The following RETREG2 variants were observed in gnomAD, a reference collection of about 807,000 sequenced individuals.
The protein encoded by RETREG2 is reticulophagy regulator family member 2.
A neutral mutation model predicts 51.6 loss-of-function variants in RETREG2; 21 were observed. That is an observed-to-expected ratio of 0.41 (90% confidence interval 0.29 to 0.59). The LOEUF is 0.59. Among genes scored for constraint, RETREG2 ranks in the 20% least tolerant of loss-of-function variants. RETREG2 has a pLI of 0.34. For missense variants in RETREG2, 674 were observed against 646.0 expected, an observed-to-expected ratio of 1.04 and a Z score of -0.47; for synonymous variants, 339 against 288.6, an observed-to-expected ratio of 1.17 and a Z score of -1.77.
At chr2:219,180,866 C>T in intron 5 of RETREG2, 112 bp downstream of exon 5, 3 of 1,383,136 alleles carry the variant, frequency 2.2e-6, no homozygotes, top group Admixed American at 1.8e-5. Flanking sequence ...TTGTGGAGAT[C>T]TCCAGGGATG....
rs1045319550 is a variant in RETREG2 at position 219,179,721 on chromosome 2, C to T, written c.389-12C>T. 1 of 1,613,480 alleles carries T rather than the reference C, an allele frequency of 6.2e-7. No individual in the cohort carries two copies. The highest frequency in any genetic ancestry group is 8.5e-7 in the Non-Finnish European group (1 of 1,179,456). On this transcript the variant is annotated splice_polypyrimidine_tract_variant and intron_variant, in intron 2 of 8. Transcript: ENST00000430297. ...TACCACTCAATAATTTGCCCCCCTC[C>T]TCTCTCTCTAGCATCATCCCCAGAG...
rs912869496 is a variant in RETREG2, at chr2:219,182,061, G to A, written c.1064G>A (p.Arg355Gln). The change falls in exon 9 of 9, where the codon CGG becomes CAG. Residue 355 changes from arginine to glutamine, a missense_variant. Coordinates refer to ENST00000430297, the MANE Select transcript of RETREG2 (RefSeq NM_024293.6). ...AGTGAACCAGAGGAGACCCTAAGCC[G>A]GGACCTAGGGGAGGGAGAGGAGGGA... ...LPSEPEETLS[R>Q]DLGEGEEGEL... 7.4e-6 allele frequency: 12 copies of A among 1,613,964 alleles called. No individual in the cohort carries two copies. The highest frequency in any genetic ancestry group is 1.3e-5 in the African/African-American group (1 of 74,878).
intron 6 of RETREG2, 80 bp downstream of exon 6, chr2:219,181,285 G>C: frequency 1.2e-6 from 2 of 1,607,082 alleles, no homozygotes; most frequent in Non-Finnish European, 1.7e-6. Flanking sequence ...CTGGAATTGA[G>C]ATCTTCTCCA....
Position 219,185,091 on chromosome 2 carries a change from T to G in RETREG2, c.*2462T>G, listed in dbSNP as rs1476737218. On this transcript the variant is annotated 3_prime_UTR_variant, in exon 9 of 9. Coordinates refer to ENST00000430297, the MANE Select transcript of RETREG2 (RefSeq NM_024293.6). The stretch of plus-strand genomic sequence containing the variant: ...ATTCACCCACCTCGGCCTCCCAAAG[T>G]GCTGGGATTACAGGTGTGAGCCACG... 1 of 152,198 alleles carries G rather than the reference T, an allele frequency of 6.6e-6. No individual in the cohort carries two copies. Among genetic ancestry groups the G allele is most frequent in the African/African-American group, 2.4e-5 (1 of 41,524 alleles). 9.4% of individuals were successfully genotyped at this position (152,198 alleles called of 1,614,324 possible). A position where few individuals can be genotyped will look rare whatever the true frequency, so the allele number is the denominator to read the frequency against.
At position 219,182,288 on chromosome 2, in the gene RETREG2, GAGACAC is replaced by G. The variant is rs1950292378; in HGVS notation, c.1292_1297del (p.Glu431_Leu433delinsVal). The G allele has an allele frequency of 6.2e-7, 1 of 1,614,112 alleles. No individual in the cohort carries two copies. The stretch of plus-strand genomic sequence containing the variant: ...GAAATGCTCCCCTGGAGGACCAGTG[GAGACAC>G]TGAGCCCCGAGACAGTGAGTGGTGG... On this transcript the variant is annotated inframe_deletion, in exon 9 of 9. Coordinates refer to ENST00000430297, the MANE Select transcript of RETREG2 (RefSeq NM_024293.6).
At position 219,181,398 on chromosome 2, in the gene RETREG2, G is replaced by A; in HGVS notation, c.814G>A (p.Gly272Ser). The A allele has an allele frequency of 1.2e-6, 2 of 1,614,124 alleles. No individual in the cohort carries two copies. The highest frequency in any genetic ancestry group is 1.7e-6 in the Non-Finnish European group (2 of 1,180,024). The change falls in exon 7 of 9, where the codon GGT (glycine) becomes AGT (serine). Residue 272 changes from glycine to serine, a missense_variant. By Grantham distance (56) the Gly-to-Ser change is moderately conservative (BLOSUM62 0). Coordinates refer to ENST00000430297, the MANE Select transcript of RETREG2 (RefSeq NM_024293.6). Reference protein sequence around the residue: ...KRQGKNAPPGGDEPLAETESE... With the variant: ...KRQGKNAPPGSDEPLAETESE... Reference sequence around the variant, plus strand: ...TCAGGGGAAGAATGCACCCCCAGGAGGTGATGAGCCACTGGCAGAGACAGA... The same window carrying A: ...TCAGGGGAAGAATGCACCCCCAGGAAGTGATGAGCCACTGGCAGAGACAGA...
rs867181326 is a variant in RETREG2 at position 219,178,477 on chromosome 2, A to C, written c.125A>C (p.Glu42Ala). Reference sequence around the variant, plus strand: ...GAGGCCACCAGTGAGGCAGAGGAGGAGGCGGCCACGGCCGAGGCGGTGGGA... The same window carrying C: ...GAGGCCACCAGTGAGGCAGAGGAGGCGGCGGCCACGGCCGAGGCGGTGGGA... The part of the protein sequence containing the change: ...MSEATSEAEE[E>A]AATAEAVGRL... The change falls in exon 1 of 9, where the codon GAG (glutamate) becomes GCG (alanine). Residue 42 changes from glutamate to alanine, a missense_variant. By Grantham distance (107) the Glu-to-Ala change is moderately radical. Coordinates refer to ENST00000430297, the MANE Select transcript of RETREG2 (RefSeq NM_024293.6). 35 of 1,075,234 alleles carry C rather than the reference A, an allele frequency of 3.3e-5. No individual in the cohort carries two copies. The highest frequency in any genetic ancestry group is 1.0e-4 in the South Asian group (6 of 59,632). 66.6% of individuals were successfully genotyped at this position (1,075,234 alleles called of 1,614,324 possible). A position where few individuals can be genotyped will look rare whatever the true frequency, so the allele number is the denominator to read the frequency against.
rs1458282457 is a variant in RETREG2 at position 219,181,435 on chromosome 2, A to G, written c.851A>G (p.Glu284Gly). The G allele has an allele frequency of 1.9e-6, 3 of 1,614,114 alleles. No individual in the cohort carries two copies. Among genetic ancestry groups the G allele is most frequent in the Admixed American group, 1.7e-5 (1 of 60,026 alleles). ...CTGGCAGAGACAGAGAGTGAAAGCG[A>G]GGCAGAGCTGGCTGGCTTCTCCCCA... ...EPLAETESESEAELAGFSPVV... is the reference protein window; with the variant it reads ...EPLAETESESGAELAGFSPVV... The change falls in exon 7 of 9, where the codon GAG (glutamate) becomes GGG (glycine). Residue 284 changes from glutamate to glycine, a missense_variant. Coordinates refer to ENST00000430297, the MANE Select transcript of RETREG2 (RefSeq NM_024293.6).
At position 219,178,480 on chromosome 2, in the gene RETREG2, C is replaced by T. The variant is rs2106394292; in HGVS notation, c.128C>T (p.Ala43Val). ...GCCACCAGTGAGGCAGAGGAGGAGG[C>T]GGCCACGGCCGAGGCGGTGGGACGC... ...SEATSEAEEEAATAEAVGRLA... is the reference protein window; with the variant it reads ...SEATSEAEEEVATAEAVGRLA... Residue 43 changes from alanine to valine, a missense_variant, in exon 1 of 9, where the codon GCG becomes GTG. By Grantham distance (64) the Ala-to-Val change is moderately conservative. Coordinates refer to ENST00000430297, the MANE Select transcript of RETREG2 (RefSeq NM_024293.6). 1.8e-6 allele frequency: 2 copies of T among 1,132,436 alleles called. No individual in the cohort carries two copies. The highest frequency in any genetic ancestry group is 2.4e-6 in the Non-Finnish European group (2 of 831,058). The allele number at this position is 1,132,436 out of a possible 1,614,324, so 70.1% of individuals were successfully genotyped here. A position where few individuals can be genotyped will look rare whatever the true frequency, so the allele number is the denominator to read the frequency against.
chr2:219,181,772 G>A lies in RETREG2; in HGVS notation c.1012G>A (p.Glu338Lys), dbSNP rs774103748. 8.7e-6 allele frequency: 14 copies of A among 1,613,460 alleles called. No individual in the cohort carries two copies. Among genetic ancestry groups the A allele is most frequent in the Admixed American group, 1.7e-5 (1 of 60,000 alleles). Residue 338 changes from glutamate to lysine, a missense_variant, in exon 8 of 9, where the codon GAG (glutamate) becomes AAG (lysine). Physicochemically the swap from Glu to Lys is moderately conservative, Grantham distance 56. Coordinates refer to ENST00000430297, the MANE Select transcript of RETREG2 (RefSeq NM_024293.6). ...AACTCCGCAGCTGACTGATGTCTCC[G>A]AGGGTATGGGGAGCCCTTTGCTGCC... ...ATTPQLTDVS[E>K]DLDQQSLPSE...
At chr2:219,180,394 C>G (rs1950261426) in intron 4 of RETREG2, 149 bp downstream of exon 4, 1 of 1,120,218 alleles carries the variant, frequency 8.9e-7, no homozygotes, top group African/African-American at 1.6e-5. Flanking sequence ...CACAGCTAAT[C>G]CCTGGTGCAG....
Position 219,182,590 on chromosome 2 carries a change from A to G in RETREG2, c.1593A>G (p.Val531=). 1 of 1,614,180 alleles carries G rather than the reference A, an allele frequency of 6.2e-7. No individual in the cohort carries two copies. The highest frequency in any genetic ancestry group is 8.5e-7 in the Non-Finnish European group (1 of 1,180,022). ...TGGGGCCCGACATCCATTCTCTGGT[A>G]CAGTCAGACCAAGAAGCTCAGGCCG... is the stretch of plus-strand genomic sequence containing the variant. ...PPLGPDIHSL[V]QSDQEAQAVA... is the part of the protein sequence containing the mutation. Residue 531 remains valine, a synonymous_variant, in exon 9 of 9, where the codon GTA becomes GTG. Transcript: ENST00000430297.
chr2:219,183,837 C>G lies in RETREG2; in HGVS notation c.*1208C>G, dbSNP rs1950315720. 1 of 152,238 alleles carries G rather than the reference C, an allele frequency of 6.6e-6. No homozygotes were observed. Among genetic ancestry groups the G allele is most frequent in the Non-Finnish European group, 1.5e-5 (1 of 68,046 alleles). The allele number at this position is 152,238 out of a possible 1,614,324, so 9.4% of individuals were successfully genotyped here. ...TAAGAAGTCTTCACCCATCTACATG[C>G]TAACAACTCACTCAGCCTGGATTTA... On this transcript the variant is annotated 3_prime_UTR_variant, in exon 9 of 9. Transcript: ENST00000430297.
chr2:219,182,972 T>G lies in RETREG2; in HGVS notation c.*343T>G. The G allele has an allele frequency of 3.2e-6, 1 of 313,972 alleles. No individual in the cohort carries two copies. Among genetic ancestry groups the G allele is most frequent in the Non-Finnish European group, 6.1e-6 (1 of 164,832 alleles). The allele number at this position is 313,972 out of a possible 1,614,324, so 19.4% of individuals were successfully genotyped here. A position where few individuals can be genotyped will look rare whatever the true frequency, so the allele number is the denominator to read the frequency against. On this transcript the variant is annotated 3_prime_UTR_variant, in exon 9 of 9. Coordinates refer to ENST00000430297, the MANE Select transcript of RETREG2 (RefSeq NM_024293.6). ...GCCCTGGTGGTCTGGCCCTTTCTTTTTCCTCCTATCCTCAGGGACCTGTGC... is the reference window on the plus strand; with the variant it reads ...GCCCTGGTGGTCTGGCCCTTTCTTTGTCCTCCTATCCTCAGGGACCTGTGC...
At position 219,179,849 on chromosome 2, in the gene RETREG2, C is replaced by G. The variant is rs181650510; in HGVS notation, c.419+86C>G. 3,311 of 1,428,556 alleles carry G rather than the reference C, an allele frequency of 2.3e-3. 8 individuals are homozygous for G. The highest frequency in any genetic ancestry group is 2.6e-3 in the Non-Finnish European group (2,609 of 1,010,888). The allele number at this position is 1,428,556 out of a possible 1,614,324, so 88.5% of individuals were successfully genotyped here. On this transcript the variant is annotated intron_variant, in intron 3 of 8. Coordinates refer to ENST00000430297, the MANE Select transcript of RETREG2 (RefSeq NM_024293.6). ...GTGTCACCATGGAGCAGGGCAGTGC[C>G]CCAGCATTGTGAATGAACTGGTAAC...
chr2:219,179,000 G>A lies in RETREG2; in HGVS notation c.360G>A (p.Trp120Ter). The change falls in exon 2 of 9, where the codon TGG (tryptophan) becomes TGA (stop). Residue 120 changes from tryptophan to a stop codon, truncating the protein, a stop_gained. Coordinates refer to ENST00000430297, the MANE Select transcript of RETREG2 (RefSeq NM_024293.6). LOFTEE classifies it high-confidence loss of function. ...SLLAYFLLDLWQPRFLPDVSA... is the reference protein window; with the variant it reads ...SLLAYFLLDL ...TGGCCTATTTTCTGCTGGATCTCTGGCAGCCTCGCTTTCTCCCTGACGTTT... is the reference window on the plus strand; with the variant it reads ...TGGCCTATTTTCTGCTGGATCTCTGACAGCCTCGCTTTCTCCCTGACGTTT... 2 of 1,613,518 alleles carry A rather than the reference G, an allele frequency of 1.2e-6. No homozygotes were observed. Among genetic ancestry groups the A allele is most frequent in the East Asian group, 2.2e-5 (1 of 44,870 alleles).
At chr2:219,180,919 G>A in intron 5 of RETREG2, 143 bp from the exon 6 acceptor site, 2 of 1,335,754 alleles carry the variant, frequency 1.5e-6, no homozygotes, top group Non-Finnish European at 2.1e-6. Context: ...GGGGAGGAGG[G>A]CAGTGGATGT....
chr2:219,182,627 T>C lies in RETREG2; in HGVS notation c.1630T>C (p.Ter544ArgextTer4). ...DQEAQAVAEP[*>R] The stretch of plus-strand genomic sequence containing the variant: ...AGAAGCTCAGGCCGTGGCAGAGCCA[T>C]GAGCCAGCCGTTGAGGAAGGAGCTG... Residue 544 changes from the stop codon to arginine, a stop_lost, in exon 9 of 9, where the codon TGA becomes CGA. Coordinates refer to ENST00000430297, the MANE Select transcript of RETREG2 (RefSeq NM_024293.6). 1 of 1,612,728 alleles carries C rather than the reference T, an allele frequency of 6.2e-7. No homozygotes were observed. Among genetic ancestry groups the C allele is most frequent in the Non-Finnish European group, 8.5e-7 (1 of 1,178,950 alleles).
rs1291548049 is a variant in RETREG2 at position 219,185,008 on chromosome 2, G to A, written c.*2379G>A. 1.3e-5 allele frequency: 2 copies of A among 151,734 alleles called. No individual in the cohort carries two copies. Among genetic ancestry groups the A allele is most frequent in the African/African-American group, 2.4e-5 (1 of 41,264 alleles). The allele number at this position is 151,734 out of a possible 1,614,324, so 9.4% of individuals were successfully genotyped here. ...TGCCTGGCTATTTTTTGTATTTTTA[G>A]TAGAGGTGGGGTTTCACCATGTTGG... On this transcript the variant is annotated 3_prime_UTR_variant, in exon 9 of 9. Transcript: ENST00000430297.
Sources: allele counts gnomAD v4.1 joint callset, GRCh38; gene constraint gnomAD v4.1.1; transcripts MANE v1.5; gene names NCBI Gene and HGNC (gene_info 2026-07-23, HGNC 2026-07-21).